Variants in LRRFIP2 observed in about 807,000 individuals in gnomAD.
The protein encoded by LRRFIP2 is leucine-rich repeat flightless-interacting protein 2.
Under a neutral mutation model 125.9 loss-of-function variants are expected in LRRFIP2, and 109 were observed. The ratio of observed to expected loss-of-function variants is 0.87; its 90% CI spans 0.74 to 1.01. LRRFIP2 has a LOEUF of 1.01. Among genes scored for constraint, LRRFIP2 ranks in the 50% least tolerant of loss-of-function variants. The pLI, the probability that LRRFIP2 is intolerant of heterozygous loss-of-function variation, is 0.00. For missense variants in LRRFIP2, 850 were observed against 862.3 expected (o/e 0.99, Z 0.18); for synonymous variants, 291 against 293.1 (o/e 0.99, Z 0.07).
chr3:37,150,004 A>G (rs771511720), intron 1 of LRRFIP2, among the ~76,000 whole-genome samples: 1 of 151,866 alleles, frequency 6.6e-6, no homozygotes, highest in Non-Finnish European at 1.5e-5. Flanking sequence ...CCACCTCAAA[A>G]AAAAACAAAA....
chr3:37,106,078 A>T (rs1201675814), intron 13 of LRRFIP2, among the ~76,000 whole-genome samples: 1 of 152,304 alleles, frequency 6.6e-6, no homozygotes, highest in Non-Finnish European at 1.5e-5. Context: ...AAATTAAAGA[A>T]GGGGAGGTGC....
intron 7 of LRRFIP2, 89 bp downstream of exon 7, chr3:37,114,965 C>A (rs2094713217): frequency 9.7e-7 from 1 of 1,027,708 alleles, no homozygotes; most frequent in Non-Finnish European, 1.5e-6. Flanking sequence ...ATAACAAAGC[C>A]ATGAAAGTTA....
At position 37,084,879 on chromosome 3, in the gene LRRFIP2, A is replaced by G. The variant is rs577960661; in HGVS notation, c.1108-1073T>C. On this transcript the variant is annotated intron_variant, in intron 18 of 27. Coordinates refer to ENST00000336686, the MANE Select transcript of LRRFIP2 (RefSeq NM_006309.4). The stretch of plus-strand genomic sequence containing the variant: ...AGCTAAAAAAAATGTTTCACACAGG[A>G]AAAGTAATCATTTATGGAAATAAAT... Among the ~76,000 whole-genome samples the G allele has an allele frequency of 2.0e-5, 3 of 152,304 alleles. No homozygotes were observed. In the South Asian group the frequency reaches 6.2e-4, roughly 32 times the overall value.
chr3:37,156,085 G>T (rs1187973258), intron 1 of LRRFIP2, among the ~76,000 whole-genome samples: 1 of 152,066 alleles, frequency 6.6e-6, no homozygotes, highest in African/African-American at 2.4e-5. Context: ...ATGTTAGCCA[G>T]GCTCATCTTG....
chr3:37,056,904 C>T, intron 25 of LRRFIP2, among the ~76,000 whole-genome samples: 1 of 152,166 alleles, frequency 6.6e-6, no homozygotes, highest in East Asian at 1.9e-4. Flanking sequence ...TGTACTTCTT[C>T]CTTCTCACTC....
chr3:37,065,915 C>A lies in LRRFIP2; in HGVS notation c.1594G>T (p.Gly532Cys). 1 of 1,614,136 alleles carries A rather than the reference C, an allele frequency of 6.2e-7. No homozygotes were observed. Among genetic ancestry groups the A allele is most frequent in the South Asian group, 1.1e-5 (1 of 91,074 alleles). Residue 532 changes from glycine (G) to cysteine (C), a missense_variant, in exon 23 of 28, where the codon GGC becomes TGC. Transcript: ENST00000336686. ...TGACTGACATCACCATTGGGAGTGCCATCGGGGATTATAACTAAGCCATGT... is the reference window on the plus strand; with the variant it reads ...TGACTGACATCACCATTGGGAGTGCAATCGGGGATTATAACTAAGCCATGT... ...EKHGLVIIPDGTPNGDVSHEP... is the reference protein window; with the variant it reads ...EKHGLVIIPDCTPNGDVSHEP...
chr3:37,069,274 A>C (rs1426430905), intron 21 of LRRFIP2, among the ~76,000 whole-genome samples: 2 of 152,250 alleles, frequency 1.3e-5, no homozygotes, highest in Admixed American at 1.3e-4. Context: ...AGAGTCTTGA[A>C]GAGTTATTTG....
chr3:37,081,671 C>T (rs1243036855), intron 19 of LRRFIP2, among the ~76,000 whole-genome samples: 2 of 151,988 alleles, frequency 1.3e-5, no homozygotes, highest in East Asian at 3.9e-4. Context: ...ATTGCTTGAG[C>T]CCAGGAGTTC....
At chr3:37,127,839 T>C (rs144491229) in intron 3 of LRRFIP2, among the ~76,000 whole-genome samples, 159 bp from the exon 4 acceptor site, 1 of 152,346 alleles carries the variant, frequency 6.6e-6, no homozygotes, top group East Asian at 1.9e-4. Flanking sequence ...ATATGTTCAA[T>C]AGTAAGAGAT....
intron 1 of LRRFIP2, chr3:37,154,734 T>C (rs894431931): frequency 6.6e-5 from 10 of 152,220 alleles, no homozygotes; most frequent in Admixed American, 4.6e-4. Context: ...TCTGAAACAA[T>C]AGGCATTTTG....
At chr3:37,157,094 A>T (rs1000137483) in intron 1 of LRRFIP2, among the ~76,000 whole-genome samples, 19 of 152,106 alleles carry the variant, frequency 1.2e-4, no homozygotes, top group Non-Finnish European at 2.1e-4. Context: ...GCACCATTGG[A>T]CTCCAGCCTG....
At chr3:37,068,917 G>A (rs909782188) in intron 21 of LRRFIP2, among the ~76,000 whole-genome samples, 5 of 152,158 alleles carry the variant, frequency 3.3e-5, no homozygotes, top group African/African-American at 1.2e-4. Flanking sequence ...TGGAGCTAGA[G>A]GCAAGACCAC....
chr3:37,089,204 C>A (rs1016592493), intron 18 of LRRFIP2, among the ~76,000 whole-genome samples: 1 of 151,892 alleles, frequency 6.6e-6, no homozygotes, highest in African/African-American at 2.4e-5. Context: ...GGGTTTAGTC[C>A]TTTGACTTAC....
chr3:37,105,922 G>A (rs1041525481), intron 13 of LRRFIP2, among the ~76,000 whole-genome samples: 2 of 152,058 alleles, frequency 1.3e-5, no homozygotes, highest in East Asian at 1.9e-4. Flanking sequence ...AAAATTAGCC[G>A]GGTATGGTGG....
chr3:37,095,666 C>T (rs916162826), intron 16 of LRRFIP2, among the ~76,000 whole-genome samples: 1 of 151,964 alleles, frequency 6.6e-6, no homozygotes, highest in South Asian at 2.1e-4. Context: ...GGTGGAGTCT[C>T]GCTGTTGCCC....
intron 16 of LRRFIP2, among the ~76,000 whole-genome samples, chr3:37,095,354 G>A (rs909629310): frequency 6.6e-6 from 1 of 152,108 alleles, no homozygotes; most frequent in African/African-American, 2.4e-5. Context: ...AGTTGATAAA[G>A]GTGAAGATAC....
At chr3:37,083,608 C>T in intron 19 of LRRFIP2, 28 bp downstream of exon 19, 2 of 1,494,346 alleles carry the variant, frequency 1.3e-6, no homozygotes, top group Non-Finnish European at 1.8e-6. Context: ...ATTTTCTGCC[C>T]CAAGAGAAAA....
intron 16 of LRRFIP2, among the ~76,000 whole-genome samples, chr3:37,095,887 T>G (rs1006508226): frequency 3.3e-5 from 5 of 152,310 alleles, no homozygotes; most frequent in Middle Eastern, 6.8e-3. Context: ...CCTCAAGTGA[T>G]CCACCTGCCT....
intron 19 of LRRFIP2, among the ~76,000 whole-genome samples, chr3:37,076,595 G>A (rs1357503903): frequency 6.6e-6 from 1 of 151,930 alleles, no homozygotes; most frequent in South Asian, 2.1e-4. Context: ...GGCCAGGCAC[G>A]GTGGCTCACG....
Sources: gnomAD v4.1 joint callset for allele counts (sites outside exome capture counted in the v4.1 genomes callset) on GRCh38, gnomAD v4.1.1 for gene constraint, MANE v1.5 for transcripts, NCBI Gene and HGNC (gene_info 2026-07-23, HGNC 2026-07-21) for gene names.